LURAP1L: variants seen among roughly 807,000 people sequenced by gnomAD.
LURAP1L encodes leucine rich adaptor protein 1-like.
Under a neutral mutation model 13.8 loss-of-function variants are expected in LURAP1L, and 12 were observed. The observed-to-expected ratio is 0.87, with a 90% CI of 0.56 to 1.41. The LOEUF (loss-of-function observed/expected upper bound fraction) is 1.41, where lower values mean the gene tolerates loss of function less well. Among genes scored for constraint, LURAP1L ranks in the 40% most tolerant of loss-of-function variants. The pLI, the probability that LURAP1L is intolerant of heterozygous loss-of-function variation, is 0.00. For synonymous variants in LURAP1L, 139 were observed against 119.2 expected, an observed-to-expected ratio of 1.17 and a Z score of -1.08; for missense variants, 375 against 292.9, an observed-to-expected ratio of 1.28 and a Z score of -2.04.
intron 1 of LURAP1L, among the ~76,000 whole-genome samples, chr9:12,815,473 A>G (rs866541189): frequency 6.6e-6 from 1 of 152,196 alleles, no homozygotes. Flanking sequence ...CTAGGGTTAG[A>G]GCATCACATT....
At chr9:12,798,136 CTTCA>C (rs1213680445) in intron 1 of LURAP1L, among the ~76,000 whole-genome samples, 1 of 152,016 alleles carries the variant, frequency 6.6e-6, no homozygotes, top group Non-Finnish European at 1.5e-5. Flanking sequence ...ATTGTAAATG[CTTCA>C]TAGGTAAAAT....
intron 1 of LURAP1L, among the ~76,000 whole-genome samples, chr9:12,797,942 C>G (rs985373897): frequency 6.6e-6 from 1 of 151,934 alleles, no homozygotes; most frequent in East Asian, 1.9e-4. Context: ...ATTTATGGAA[C>G]CAACTTCAAA....
rs1271687753 is a variant in LURAP1L, at chr9:12,776,024, G to T, written c.309G>T (p.Glu103Asp). 1.2e-6 allele frequency: 2 copies of T among 1,612,892 alleles called. No individual in the cohort carries two copies. The highest frequency in any genetic ancestry group is 2.7e-5 in the African/African-American group (2 of 74,916). Residue 103 changes from glutamate (E) to aspartate (D), a missense_variant, in exon 1 of 2, where the codon GAG (glutamate) becomes GAT (aspartate). Glu to Asp is a conservative substitution (Grantham distance 45, BLOSUM62 2). Coordinates refer to ENST00000319264, the MANE Select transcript of LURAP1L (RefSeq NM_203403.2). ...CCAAGCTTCACCTCCTCAGGCAAGA[G>T]ATGGTGAGTGTGGTGCGCCAGCCGC... Reference protein sequence around the residue: ...LETKLHLLRQEMVNLRATDVR... With the variant: ...LETKLHLLRQDMVNLRATDVR...
At chr9:12,807,281 G>GAGTA (rs929567632) in intron 1 of LURAP1L, among the ~76,000 whole-genome samples, 2 of 151,450 alleles carry the variant, frequency 1.3e-5, no homozygotes, top group African/African-American at 4.9e-5. Context: ...CTAACTAACT[G>GAGTA]ACTAACTAAC....
At chr9:12,818,477 G>A (rs2118552551) in intron 1 of LURAP1L, among the ~76,000 whole-genome samples, 1 of 152,284 alleles carries the variant, frequency 6.6e-6, no homozygotes, top group East Asian at 1.9e-4. Flanking sequence ...AGATAAGGAA[G>A]AAATGTGAGA....
At chr9:12,787,676 G>A (rs914351481) in intron 1 of LURAP1L, among the ~76,000 whole-genome samples, 1 of 152,104 alleles carries the variant, frequency 6.6e-6, no homozygotes, top group East Asian at 1.9e-4. Context: ...CTTCTATTCA[G>A]TATATTTGTT....
chr9:12,795,422 G>A (rs1344232440), intron 1 of LURAP1L, among the ~76,000 whole-genome samples: 1 of 151,934 alleles, frequency 6.6e-6, no homozygotes, highest in Admixed American at 6.6e-5. Context: ...TTATCTAGAA[G>A]TTTCTTTCTT....
At chr9:12,806,051 G>C (rs1220280106) in intron 1 of LURAP1L, among the ~76,000 whole-genome samples, 4 of 152,142 alleles carry the variant, frequency 2.6e-5, no homozygotes, top group African/African-American at 9.7e-5. Context: ...GGAGTTTCTT[G>C]GGCAACTCTG....
chr9:12,803,640 C>T (rs1308112782), intron 1 of LURAP1L, among the ~76,000 whole-genome samples: 1 of 152,130 alleles, frequency 6.6e-6, no homozygotes, highest in Non-Finnish European at 1.5e-5. Context: ...AAATTGTCTA[C>T]ATTAATTAGA....
chr9:12,811,050 C>T (rs907408590), intron 1 of LURAP1L, among the ~76,000 whole-genome samples: 1 of 152,100 alleles, frequency 6.6e-6, no homozygotes, highest in African/African-American at 2.4e-5. Flanking sequence ...AAATGTTAAC[C>T]TGTGAAAAAG....
chr9:12,786,582 A>ATATATATATATATATATATATAT (rs55704493), intron 1 of LURAP1L, among the ~76,000 whole-genome samples: 12 of 113,590 alleles, frequency 1.1e-4, no homozygotes, highest in Non-Finnish European at 1.6e-4. Flanking sequence ...ATATATATAT[A>ATATATATATATATATATATATAT]AACCCTTGTG....
intron 1 of LURAP1L, among the ~76,000 whole-genome samples, chr9:12,780,188 C>T (rs1047554077): frequency 2.0e-5 from 3 of 152,186 alleles, no homozygotes; most frequent in Non-Finnish European, 4.4e-5. Flanking sequence ...AATCCTGACA[C>T]CATCTTGTGT....
At chr9:12,820,260 T>C (rs1417975068) in intron 1 of LURAP1L, among the ~76,000 whole-genome samples, 2 of 151,478 alleles carry the variant, frequency 1.3e-5, no homozygotes, top group Non-Finnish European at 2.9e-5. Context: ...ATCCCAGCAC[T>C]TTGGGAGGCC....
At chr9:12,803,739 A>C (rs1819618503) in intron 1 of LURAP1L, among the ~76,000 whole-genome samples, 1 of 152,342 alleles carries the variant, frequency 6.6e-6, no homozygotes, top group East Asian at 1.9e-4. Context: ...TTTAAACTAG[A>C]TCAAACACTT....
chr9:12,784,410 T>A (rs1168111095), intron 1 of LURAP1L, among the ~76,000 whole-genome samples: 1 of 152,216 alleles, frequency 6.6e-6, no homozygotes, highest in African/African-American at 2.4e-5. Flanking sequence ...TGCAGCCATA[T>A]CTGCCCAAGC....
At position 12,815,669 on chromosome 9, in the gene LURAP1L, C is replaced by T. The variant is rs1354409021; in HGVS notation, c.313-5717C>T. Among the ~76,000 whole-genome samples the T allele has an allele frequency of 2.0e-5, 3 of 152,010 alleles. No homozygotes were observed. In the South Asian group the frequency reaches 6.2e-4, roughly 32 times the overall value. On this transcript the variant is annotated intron_variant, in intron 1 of 1. Transcript: ENST00000319264. ...TGCTTTTATCTGACTAGTTGACATT[C>T]ATAAATAAAAGGGTAACAATAATGG...
chr9:12,813,077 T>C (rs1586886898), intron 1 of LURAP1L, among the ~76,000 whole-genome samples: 1 of 152,132 alleles, frequency 6.6e-6, no homozygotes, highest in African/African-American at 2.4e-5. Flanking sequence ...AAAATGCAAG[T>C]CTCTAATCTG....
At chr9:12,785,953 T>C (rs1819344532) in intron 1 of LURAP1L, among the ~76,000 whole-genome samples, 1 of 152,234 alleles carries the variant, frequency 6.6e-6, no homozygotes, top group Admixed American at 6.5e-5. Context: ...GCTCCACTTC[T>C]CTCAGATCTT....
chr9:12,799,525 T>C (rs2118509176), intron 1 of LURAP1L, among the ~76,000 whole-genome samples: 1 of 152,260 alleles, frequency 6.6e-6, no homozygotes, highest in South Asian at 2.1e-4. Context: ...GAAAACAAAT[T>C]GTCAGTTTAA....
Sources: allele counts gnomAD v4.1 joint callset (sites outside exome capture counted in the v4.1 genomes callset), GRCh38; gene constraint gnomAD v4.1.1; transcripts MANE v1.5; gene names NCBI Gene and HGNC (gene_info 2026-07-23, HGNC 2026-07-21).